Variants in GPHN observed in about 807,000 individuals in gnomAD.
The protein encoded by GPHN is gephyrin.
In GPHN, 17 loss-of-function variants were observed where a neutral mutation model predicts 95.5. That is an observed-to-expected ratio of 0.18 (90% CI 0.12 to 0.27). GPHN has a LOEUF of 0.27. Among genes scored for constraint, GPHN ranks in the 10% least tolerant of loss-of-function variants. GPHN has a pLI of 1.00. For synonymous variants in GPHN, 320 were observed against 322.5 expected (o/e 0.99, Z 0.08); for missense variants, 660 against 978.1 (o/e 0.67, Z 4.34).
chr14:67,600,238 C>T, the GPHN span: 3 of 1,507,424 alleles, frequency 2.0e-6, no homozygotes, highest in Non-Finnish European at 2.7e-6. Flanking sequence ...CCGCGCGGCG[C>T]TGCACTGCGC....
chr14:67,193,394 T>C, the GPHN span, among the ~76,000 whole-genome samples: 1 of 140,904 alleles, frequency 7.1e-6, no homozygotes, highest in Admixed American at 7.2e-5. Context: ...TATCTAGATA[T>C]ATCTAGATAT....
At chr14:67,004,141 A>G (rs934856013) in intron 9 of GPHN, among the ~76,000 whole-genome samples, 1 of 151,800 alleles carries the variant, frequency 6.6e-6, no homozygotes, top group African/African-American at 2.4e-5. Flanking sequence ...ACAGTATGAG[A>G]GGAATTATAT....
chr14:67,647,071 A>C, the GPHN span: 1 of 1,197,528 alleles, frequency 8.4e-7, no homozygotes, highest in South Asian at 1.2e-5. Flanking sequence ...AATGGGCAAC[A>C]CACTTTTAGC....
the GPHN span, chr14:67,589,606 GT>G: frequency 1.0e-6 from 1 of 986,042 alleles, no homozygotes; most frequent in Non-Finnish European, 1.2e-6. Flanking sequence ...CAGGCACTAG[GT>G]TGACAGACTC....
the GPHN span, chr14:67,674,238 C>T: frequency 1.3e-6 from 1 of 742,980 alleles, no homozygotes; most frequent in Non-Finnish European, 2.1e-6. Flanking sequence ...GGGGCTGGGA[C>T]AAGCCAGCCC....
chr14:67,283,896 T>G, the GPHN span, among the ~76,000 whole-genome samples: 4 of 152,226 alleles, frequency 2.6e-5, no homozygotes, highest in Non-Finnish European at 5.9e-5. Context: ...CTGCGAAGAT[T>G]TGCTTCGTTG....
the GPHN span, among the ~76,000 whole-genome samples, chr14:67,329,696 T>C: frequency 1.3e-5 from 2 of 151,994 alleles, no homozygotes; most frequent in African/African-American, 2.4e-5. Context: ...CTGGGCAACA[T>C]AGTGAAATCC....
the GPHN span, among the ~76,000 whole-genome samples, chr14:67,228,993 TA>T: frequency 2.0e-5 from 3 of 152,258 alleles, no homozygotes; most frequent in Non-Finnish European, 4.4e-5. Context: ...ACTTATTTTC[TA>T]AATGCTGCCA....
chr14:66,880,003 T>A lies in GPHN; in HGVS notation c.359T>A (p.Leu120His). The A allele has an allele frequency of 6.2e-7, 1 of 1,609,708 alleles. No individual in the cohort carries two copies. The highest frequency in any genetic ancestry group is 8.5e-7 in the Non-Finnish European group (1 of 1,176,350). ...GMALAMLMGS[L>H]NVTPLGMLSR... is the part of the protein sequence containing the mutation. ...GCCCTGGCAATGCTGATGGGATCAC[T>A]TAATGTTACACCTCTGGGCATGCTC... Residue 120 changes from leucine (L) to histidine (H), a missense_variant, in exon 5 of 23, where the codon CTT (leucine) becomes CAT (histidine). By Grantham distance (99) the Leu-to-His change is moderately conservative. Around this residue, in one of 6 missense-constraint regions of GPHN, gnomAD observed 71 missense variants for 130.8 expected, o/e 0.54. Transcript: ENST00000478722.
At chr14:67,603,449 A>G in the GPHN span, among the ~76,000 whole-genome samples, 1 of 152,206 alleles carries the variant, frequency 6.6e-6, no homozygotes, top group Non-Finnish European at 1.5e-5. Context: ...AAAATACTCA[A>G]TTATTAGGAA....
intron 17 of GPHN, among the ~76,000 whole-genome samples, chr14:67,135,783 T>G (rs1245506828): frequency 2.6e-5 from 4 of 152,132 alleles, no homozygotes; most frequent in Non-Finnish European, 5.9e-5. Context: ...TTTCCTCTTT[T>G]CCCCCCTATC....
chr14:67,586,541 GT>G, the GPHN span: 1 of 678,792 alleles, frequency 1.5e-6, no homozygotes, highest in Non-Finnish European at 2.3e-6. Context: ...CTTCCTTGTT[GT>G]GGGGAAGACC....
At chr14:66,577,333 T>A (rs2060948272) in intron 1 of GPHN, among the ~76,000 whole-genome samples, 1 of 152,180 alleles carries the variant, frequency 6.6e-6, no homozygotes, top group Admixed American at 6.5e-5. Context: ...TCCAAGGGTC[T>A]TGGGATAAGG....
intron 4 of GPHN, among the ~76,000 whole-genome samples, chr14:66,831,812 A>G (rs1421462517): frequency 6.6e-6 from 1 of 152,202 alleles, no homozygotes; most frequent in Admixed American, 6.5e-5. Flanking sequence ...CTGTGTGCAA[A>G]TAACTCTTTT....
At chr14:67,352,464 G>C in the GPHN span, among the ~76,000 whole-genome samples, 95 of 151,040 alleles carry the variant, frequency 6.3e-4, no homozygotes, top group African/African-American at 2.2e-3. Context: ...GAAATAAAAT[G>C]TCATACCATG....
chr14:67,558,113 T>C, the GPHN span, among the ~76,000 whole-genome samples: 1 of 152,208 alleles, frequency 6.6e-6, no homozygotes, highest in Non-Finnish European at 1.5e-5. Context: ...CTGGAACATC[T>C]ACCTGCCAGT....
chr14:66,631,809 C>T lies in GPHN; in HGVS notation c.65-49298C>T, dbSNP rs759303870. 1.1e-3 allele frequency among the ~76,000 whole-genome samples: 171 copies of T among 151,832 alleles called. 3 individuals are homozygous for T. The highest frequency in any genetic ancestry group is 1.4e-3 in the Non-Finnish European group (92 of 67,954). On this transcript the variant is annotated intron_variant, in intron 1 of 22. Transcript: ENST00000478722. The stretch of plus-strand genomic sequence containing the variant: ...ATATTTTCTATATTAGAGAAATTTC[C>T]CACTAAAGAATCTTCATTAACATTT...
At chr14:67,662,920 A>G in the GPHN span, 1 of 1,273,292 alleles carries the variant, frequency 7.9e-7, no homozygotes, top group Non-Finnish European at 9.9e-7. Flanking sequence ...AAAAAAAAAA[A>G]AGAATGTTTA....
the GPHN span, among the ~76,000 whole-genome samples, chr14:67,631,486 A>G: frequency 6.7e-5 from 9 of 133,592 alleles, no homozygotes; most frequent in Admixed American, 8.5e-5. Flanking sequence ...TCCAGGCTGG[A>G]GTACAGTGGT....
Sources: gnomAD v4.1 joint callset for allele counts (sites outside exome capture counted in the v4.1 genomes callset) on GRCh38, gnomAD v4.1.1 for gene constraint, gnomAD v4.1.1 regional missense constraint, MANE v1.5 for transcripts, NCBI Gene and HGNC (gene_info 2026-07-23, HGNC 2026-07-21) for gene names.